Variants in FAHD1 observed in about 807,000 individuals in gnomAD.
FAHD1 encodes the protein FAH domain containing oxaloacetate decarboxylase 1.
Under a neutral mutation model 12.7 loss-of-function variants are expected in FAHD1, and 14 were observed. The ratio of observed to expected loss-of-function variants is 1.10; its 90% CI spans 0.73 to 1.72. The LOEUF is 1.72. Ranked by LOEUF, FAHD1 falls within the 40% of genes most tolerant of loss-of-function variation. The probability of loss-of-function intolerance (pLI) is 0.00; values close to 1 mark genes in which losing one functional copy is unlikely to be tolerated. For missense variants in FAHD1, 351 were observed against 298.9 expected, an observed-to-expected ratio of 1.17 and a Z score of -1.29; for synonymous variants, 153 against 124.9, an observed-to-expected ratio of 1.22 and a Z score of -1.50.
exon 1 of FAHD1, chr16:1,828,124 A>G: frequency 1.0e-6 from 1 of 976,636 alleles, no homozygotes; most frequent in Non-Finnish European, 1.4e-6. Context: ...TACTAAAAAT[A>G]CAAAAAATTA....
rs1209253262 is a variant in FAHD1 at position 1,827,924 on chromosome 16, C to T, written c.*20C>T. 2.5e-6 allele frequency: 4 copies of T among 1,605,028 alleles called. No individual in the cohort carries two copies. The East Asian group carries it at 8.9e-5, about 36-fold the overall frequency. On this transcript the variant is annotated 3_prime_UTR_variant, in exon 1 of 1. Transcript: ENST00000427358. ...TATTGAGTTATTTCTTAACAAGTTT[C>T]GAGAGAGAAGGGAGCAAGACAAGAG...
chr16:1,830,902 ACCT>A (rs1217538148), downstream of FAHD1, among the ~76,000 whole-genome samples: 1 of 122,420 alleles, frequency 8.2e-6, no homozygotes, highest in African/African-American at 3.2e-5. Context: ...GCAGACATGC[ACCT>A]CTCTCTCTCT....
exon 1 of FAHD1, chr16:1,827,956 A>G: frequency 6.3e-7 from 1 of 1,576,254 alleles, no homozygotes; most frequent in Non-Finnish European, 8.6e-7. Flanking sequence ...AGAGCAAGCA[A>G]CGGCTATTAA....
At chr16:1,827,599 A>C in exon 1 of FAHD1, 1 of 1,613,806 alleles carries the variant, frequency 6.2e-7, no homozygotes, top group African/African-American at 1.3e-5. Flanking sequence ...TCTGGCGAAG[A>C]GCTTCACGGC....
At position 1,839,218 on chromosome 16, in the gene FAHD1, G is replaced by A. The variant is rs1231631301; in HGVS notation, c.*9-44G>A. On this transcript the variant is annotated intron_variant, in intron 2 of 2. Transcript: ENST00000382666. ...TTTTTGGGAAAAAGCATTCACTTTG[G>A]AAATATTCTAAACATTTCTTCCTTT... The A allele has an allele frequency of 2.0e-6, 3 of 1,515,142 alleles. No individual in the cohort carries two copies. In the South Asian group the frequency reaches 3.9e-5, roughly 20 times the overall value. The allele number at this position is 1,515,142 out of a possible 1,614,324, so 93.9% of individuals were successfully genotyped here.
At chr16:1,835,323 G>GT (rs1325450912) in intron 1 of FAHD1, among the ~76,000 whole-genome samples, 3 of 152,020 alleles carry the variant, frequency 2.0e-5, no homozygotes, top group Admixed American at 2.0e-4. Context: ...ACTACCAACT[G>GT]TGATAGACTT....
exon 1 of FAHD1, chr16:1,827,235 A>C (rs1301605268): frequency 3.7e-6 from 6 of 1,600,688 alleles, no homozygotes; most frequent in Non-Finnish European, 5.1e-6. Flanking sequence ...ACTTGATGGG[A>C]ATCATGGCAG....
exon 1 of FAHD1, chr16:1,827,468 A>G (rs1898506401): frequency 1.9e-6 from 3 of 1,611,498 alleles, no homozygotes; most frequent in Non-Finnish European, 2.5e-6. Context: ...GTGATGGGCA[A>G]GCGCTGCCGC....
At chr16:1,834,232 C>T (rs763243545) in intron 1 of FAHD1, 1 of 1,275,536 alleles carries the variant, frequency 7.8e-7, no homozygotes, top group Non-Finnish European at 1.1e-6. Flanking sequence ...TATACTTTTC[C>T]AGAGTTCAAA....
downstream of FAHD1, among the ~76,000 whole-genome samples, chr16:1,829,253 C>G (rs1280462317): frequency 6.6e-6 from 1 of 152,170 alleles, no homozygotes; most frequent in East Asian, 1.9e-4. Context: ...AAGCCTAGGA[C>G]ATCTGATTGA....
At chr16:1,830,945 C>CACACA (rs1555470125), downstream of FAHD1, among the ~76,000 whole-genome samples, 2 of 19,436 alleles carry the variant, frequency 1.0e-4, no homozygotes, top group Admixed American at 1.0e-3. Flanking sequence ...CACACACACA[C>CACACA]CCATATTTTG....
At chr16:1,828,990 TCTTTGAC>T, downstream of FAHD1, 1 of 904,232 alleles carries the variant, frequency 1.1e-6, no homozygotes, top group Non-Finnish European at 1.3e-6. Context: ...CAGACCTTAG[TCTTTGAC>T]CTTTGGCCTT....
chr16:1,838,240 T>G (rs1898801997), intron 2 of FAHD1: 1 of 416,302 alleles, frequency 2.4e-6, no homozygotes, highest in Admixed American at 4.1e-5. Flanking sequence ...CCTCAAGTGA[T>G]CCTCCTGCCT....
At chr16:1,836,008 T>G (rs1898735908) in intron 1 of FAHD1, among the ~76,000 whole-genome samples, 1 of 152,026 alleles carries the variant, frequency 6.6e-6, no homozygotes, top group South Asian at 2.1e-4. Flanking sequence ...GACAGGCACC[T>G]GCCACCATGC....
chr16:1,827,894 C>G, exon 1 of FAHD1: 8 of 1,612,650 alleles, frequency 5.0e-6, no homozygotes, highest in Non-Finnish European at 6.8e-6. Context: ...GTGGAAAAGC[C>G]AGAATATTGA....
intron 2 of FAHD1, among the ~76,000 whole-genome samples, chr16:1,838,716 A>G (rs559301311): frequency 6.6e-6 from 1 of 151,956 alleles, no homozygotes; most frequent in Non-Finnish European, 1.5e-5. Flanking sequence ...ATTTGGAGAC[A>G]AGTCTTGCTC....
exon 1 of FAHD1, chr16:1,827,240 T>G: frequency 6.2e-7 from 1 of 1,602,700 alleles, no homozygotes; most frequent in East Asian, 2.2e-5. Flanking sequence ...ATGGGAATCA[T>G]GGCAGCATCC....
At chr16:1,835,648 C>T (rs1898724799) in intron 1 of FAHD1, among the ~76,000 whole-genome samples, 1 of 152,126 alleles carries the variant, frequency 6.6e-6, no homozygotes, top group Non-Finnish European at 1.5e-5. Flanking sequence ...ACAGGGGCTA[C>T]ACCTCCCATT....
At chr16:1,828,840 G>A (rs1898568217) in exon 1 of FAHD1, 5 of 999,024 alleles carry the variant, frequency 5.0e-6, no homozygotes, top group Admixed American at 6.1e-5. Context: ...TATCTACCCA[G>A]ACCCATCGAT....
Sources: gnomAD v4.1 joint callset for allele counts (sites outside exome capture counted in the v4.1 genomes callset) on GRCh38, gnomAD v4.1.1 for gene constraint, MANE v1.5 for transcripts, NCBI Gene and HGNC (gene_info 2026-07-23, HGNC 2026-07-21) for gene names.